CNTNAP4: variants seen among roughly 807,000 people sequenced by gnomAD.
CNTNAP4 encodes the protein contactin-associated protein-like 4.
CNTNAP4 carries 98 observed loss-of-function variants against 148.4 expected under a neutral mutation model. The observed-to-expected ratio is 0.66, with a 90% CI of 0.56 to 0.78. CNTNAP4 has a LOEUF of 0.78. CNTNAP4 is among the 30% of genes least tolerant of loss of function. CNTNAP4 has a pLI of 0.00. For synonymous variants in CNTNAP4, 730 were observed against 565.1 expected, an observed-to-expected ratio of 1.29 and a Z score of -4.14; for missense variants, 1,935 against 1,565.6, an observed-to-expected ratio of 1.24 and a Z score of -3.98.
rs1292120390 is a variant in CNTNAP4 at position 76,560,219 on chromosome 16, C to T, written c.*1536C>T. Among the ~76,000 whole-genome samples, 1 of 152,132 alleles carries T rather than the reference C, an allele frequency of 6.6e-6. No individual in the cohort carries two copies. Among genetic ancestry groups the T allele is most frequent in the East Asian group, 1.9e-4 (1 of 5,186 alleles). On this transcript the variant is annotated 3_prime_UTR_variant, in exon 24 of 24. Coordinates refer to ENST00000611870, the MANE Select transcript of CNTNAP4 (RefSeq NM_033401.5). ...ATTGGATTTCTTAGTTTGTCTACAC[C>T]AGAAGAATCGGGAAATATGTAAATT...
intron 4 of CNTNAP4, among the ~76,000 whole-genome samples, chr16:76,443,240 A>C (rs2080111706): frequency 6.6e-6 from 1 of 152,082 alleles, no homozygotes; most frequent in Non-Finnish European, 1.5e-5. Context: ...TTAAGCAAAA[A>C]GTCTCCTCTT....
At chr16:76,350,248 A>G (rs1373307060) in intron 2 of CNTNAP4, among the ~76,000 whole-genome samples, 2 of 152,190 alleles carry the variant, frequency 1.3e-5, no homozygotes, top group Non-Finnish European at 2.9e-5. Flanking sequence ...CCTCCCACTG[A>G]TTAAAATAGT....
At chr16:76,482,534 A>G (rs927054228) in intron 12 of CNTNAP4, among the ~76,000 whole-genome samples, 3 of 151,926 alleles carry the variant, frequency 2.0e-5, no homozygotes, top group Non-Finnish European at 4.4e-5. Flanking sequence ...ATACTAATGA[A>G]TGTTTAGTTC....
At chr16:76,530,613 G>A (rs1568530956) in intron 17 of CNTNAP4, among the ~76,000 whole-genome samples, 2 of 152,274 alleles carry the variant, frequency 1.3e-5, no homozygotes, top group East Asian at 1.9e-4. Context: ...CTGCTACTAC[G>A]ACTGGGGCAC....
chr16:76,546,007 CCTGGTGACA>C (rs2084708807), intron 21 of CNTNAP4, among the ~76,000 whole-genome samples: 1 of 151,286 alleles, frequency 6.6e-6, no homozygotes, highest in Admixed American at 6.6e-5. Context: ...TGCACTCCAG[CCTGGTGACA>C]CAGCAAGACT....
In CNTNAP4 at chr16:76,498,601, C is replaced by T. The variant is rs1451819073; in HGVS notation, c.2272C>T (p.His758Tyr). 5 of 1,612,274 alleles carry T rather than the reference C, an allele frequency of 3.1e-6. No individual in the cohort carries two copies. Among genetic ancestry groups the T allele is most frequent in the South Asian group, 2.2e-5 (2 of 90,674 alleles). The change falls in exon 15 of 24, where the codon CAT becomes TAT. Residue 758 changes from histidine to tyrosine, a missense_variant. His to Tyr is a moderately conservative substitution (Grantham distance 83, BLOSUM62 2). Coordinates refer to ENST00000611870, the MANE Select transcript of CNTNAP4 (RefSeq NM_033401.5). ...CACTGGATTGCTTGCTTATAAAGAA[C>T]ATCTTCCAGTAACTAAGATCGTGAT... ...NDTGLLAYKE[H>Y]LPVTKIVITD...
chr16:76,455,655 G>A (rs565195373), intron 8 of CNTNAP4, among the ~76,000 whole-genome samples: 9 of 152,300 alleles, frequency 5.9e-5, no homozygotes, highest in Non-Finnish European at 1.2e-4. Flanking sequence ...TAGTGACTAC[G>A]GTTAGTGGAT....
chr16:76,444,986 C>G (rs2080185806), intron 4 of CNTNAP4, among the ~76,000 whole-genome samples: 1 of 152,284 alleles, frequency 6.6e-6, no homozygotes, highest in South Asian at 2.1e-4. Flanking sequence ...GCCAACCTCA[C>G]TCCTACTCTG....
chr16:76,518,754 C>T (rs1170943873), intron 15 of CNTNAP4, among the ~76,000 whole-genome samples: 1 of 152,136 alleles, frequency 6.6e-6, no homozygotes, highest in Non-Finnish European at 1.5e-5. Flanking sequence ...ATGTTCTTAA[C>T]TGTAGTCACC....
rs148836218 is a variant in CNTNAP4, at chr16:76,540,016, G to C, written c.3354+164G>C. On this transcript the variant is annotated intron_variant, in intron 20 of 23. Coordinates refer to ENST00000611870, the MANE Select transcript of CNTNAP4 (RefSeq NM_033401.5). ...TAGTCAGGATTCTTTTAAGCAATAA[G>C]ATTTTGTTCATTATATTATTAACAT... is the stretch of plus-strand genomic sequence containing the variant. Among the ~76,000 whole-genome samples, 146 of 152,138 alleles carry C rather than the reference G, an allele frequency of 9.6e-4. 1 individual carries two copies. Among genetic ancestry groups the C allele is most frequent in the African/African-American group, 3.3e-3 (136 of 41,512 alleles).
Position 76,532,021 on chromosome 16 carries a change from T to A in CNTNAP4, c.2756-3524T>A, listed in dbSNP as rs560051768. ...CTGCTACTCACCCCACACTCTGACCTTCTTCTTTACTGTGTATTTATTTTT... is the reference window on the plus strand; with the variant it reads ...CTGCTACTCACCCCACACTCTGACCATCTTCTTTACTGTGTATTTATTTTT... On this transcript the variant is annotated intron_variant, in intron 17 of 23. Coordinates refer to ENST00000611870, the MANE Select transcript of CNTNAP4 (RefSeq NM_033401.5). Among the ~76,000 whole-genome samples the A allele has an allele frequency of 6.6e-5, 10 of 152,286 alleles. No individual in the cohort carries two copies. In the South Asian group the frequency reaches 2.1e-3, roughly 32 times the overall value.
At chr16:76,477,457 C>G (rs775123209) in intron 11 of CNTNAP4, among the ~76,000 whole-genome samples, 1 of 152,162 alleles carries the variant, frequency 6.6e-6, no homozygotes, top group Non-Finnish European at 1.5e-5. Flanking sequence ...ACACTATACA[C>G]TGCATTGTGC....
At chr16:76,318,612 G>A (rs1326855578) in intron 2 of CNTNAP4, among the ~76,000 whole-genome samples, 1 of 150,900 alleles carries the variant, frequency 6.6e-6, no homozygotes, top group Non-Finnish European at 1.5e-5. Flanking sequence ...TTTCACAAAG[G>A]AACATCAGAT....
At chr16:76,460,746 CA>C (rs1356455114) in intron 8 of CNTNAP4, among the ~76,000 whole-genome samples, 1 of 38,058 alleles carries the variant, frequency 2.6e-5, no homozygotes, top group African/African-American at 1.3e-4. Flanking sequence ...GAGCCAGACT[CA>C]TGTCTCAAAA....
intron 6 of CNTNAP4, 105 bp downstream of exon 6, chr16:76,449,056 A>G: frequency 9.3e-7 from 1 of 1,070,316 alleles, no homozygotes; most frequent in Non-Finnish European, 1.4e-6. Context: ...AGTAAATCAT[A>G]GAACAGGTGA....
At chr16:76,502,666 A>G (rs1301943600) in intron 15 of CNTNAP4, among the ~76,000 whole-genome samples, 1 of 152,206 alleles carries the variant, frequency 6.6e-6, no homozygotes. Context: ...GAGCTTTAAA[A>G]GGGGGATCAA....
intron 3 of CNTNAP4, among the ~76,000 whole-genome samples, chr16:76,395,342 T>C (rs1461453567): frequency 1.3e-5 from 2 of 152,064 alleles, no homozygotes; most frequent in African/African-American, 4.8e-5. Context: ...CTTGGCTCAT[T>C]GCAACCTCTG....
chr16:76,482,256 A>G (rs74025022), intron 12 of CNTNAP4, among the ~76,000 whole-genome samples: 4,198 of 152,182 alleles, frequency 0.028, 197 homozygotes, highest in African/African-American at 0.097. Context: ...ATAGCACTGT[A>G]GATGGAGGAA....
intron 9 of CNTNAP4, among the ~76,000 whole-genome samples, chr16:76,463,131 C>T (rs541754012): frequency 7.2e-5 from 11 of 152,234 alleles, no homozygotes; most frequent in Admixed American, 2.6e-4. Flanking sequence ...ATGTTTAAAC[C>T]GGGCTGCTTA....
Sources: allele counts gnomAD v4.1 joint callset (sites outside exome capture counted in the v4.1 genomes callset), GRCh38; gene constraint gnomAD v4.1.1; transcripts MANE v1.5; gene names NCBI Gene and HGNC (gene_info 2026-07-23, HGNC 2026-07-21).